The following TRIO variants were observed in gnomAD, a reference collection of about 807,000 sequenced individuals.
TRIO encodes the protein trio Rho guanine nucleotide exchange factor, also known as triple functional domain protein.
In TRIO, 58 loss-of-function variants were observed where a neutral mutation model predicts 351.9. That is an observed-to-expected ratio of 0.16 (90% confidence interval 0.13 to 0.21). TRIO has a LOEUF of 0.21. TRIO is among the 10% of genes least tolerant of loss of function. TRIO has a pLI of 1.00. For missense variants in TRIO, 3,201 were observed against 4,027.8 expected (o/e 0.79, Z 5.56); for synonymous variants, 1,758 against 1,595.7 (o/e 1.10, Z -2.42).
At position 14,403,919 on chromosome 5, in the gene TRIO, T is replaced by C. The variant is rs866696413; in HGVS notation, c.4717-1929T>C. On this transcript the variant is annotated intron_variant, in intron 31 of 56. Transcript: ENST00000344204. ...GGTGCAGGTGGTGGTGGTGAGGGTG[T>C]AGGTGGTGGTGGTGAGGGTGCAGGT... is the stretch of plus-strand genomic sequence containing the variant. Among the ~76,000 whole-genome samples the C allele has an allele frequency of 9.3e-3, 639 of 68,632 alleles. 30 individuals carry two copies. Among genetic ancestry groups the C allele is most frequent in the African/African-American group, 0.035 (588 of 16,862 alleles). 45.0% of individuals were successfully genotyped at this position (68,632 alleles called of 152,430 possible). A position where few individuals can be genotyped will look rare whatever the true frequency, so the allele number is the denominator to read the frequency against.
At chr5:14,413,364 C>T (rs767179943) in intron 33 of TRIO, among the ~76,000 whole-genome samples, 14 of 152,188 alleles carry the variant, frequency 9.2e-5, no homozygotes, top group East Asian at 1.9e-4. Context: ...TAGCTGCATG[C>T]GTATCCAGTG....
chr5:14,500,420 G>A (rs993416723), intron 53 of TRIO, among the ~76,000 whole-genome samples: 9 of 152,180 alleles, frequency 5.9e-5, no homozygotes, highest in African/African-American at 2.2e-4. Context: ...CTTATTCTCA[G>A]TCCAGCTCTG....
At chr5:14,265,134 G>A (rs1321543147) in intron 1 of TRIO, among the ~76,000 whole-genome samples, 6 of 135,706 alleles carry the variant, frequency 4.4e-5, no homozygotes, top group Non-Finnish European at 7.8e-5. Flanking sequence ...TTCCCATTTA[G>A]TAAACACTAA....
intron 13 of TRIO, among the ~76,000 whole-genome samples, chr5:14,363,372 C>G (rs534312233): frequency 1.3e-5 from 2 of 151,898 alleles, no homozygotes; most frequent in African/African-American, 2.4e-5. Flanking sequence ...GCTTCTCTTA[C>G]TATTTTTGAA....
intron 1 of TRIO, among the ~76,000 whole-genome samples, chr5:14,230,992 G>A (rs1243249025): frequency 1.3e-5 from 2 of 152,148 alleles, no homozygotes; most frequent in African/African-American, 2.4e-5. Flanking sequence ...GCAAGTTAGT[G>A]CCTGCTGATT....
At chr5:14,394,172 A>G (rs1305862871) in intron 28 of TRIO, 42 bp downstream of exon 28, 3 of 1,333,916 alleles carry the variant, frequency 2.2e-6, no homozygotes, top group South Asian at 2.7e-5. Context: ...TTTATGAATT[A>G]TGTATTATTT....
chr5:14,310,739 G>A (rs927266921), intron 8 of TRIO, among the ~76,000 whole-genome samples: 5 of 152,208 alleles, frequency 3.3e-5, no homozygotes, highest in Admixed American at 6.5e-5. Flanking sequence ...AGGCTGGAAT[G>A]CAGTGGTGCG....
chr5:14,487,989 C>T lies in TRIO; in HGVS notation c.7361C>T (p.Ala2454Val). The change falls in exon 48 of 57, where the codon GCT (alanine) becomes GTT (valine). Residue 2454 changes from alanine to valine, a missense_variant. Coordinates refer to ENST00000344204, the MANE Select transcript of TRIO (RefSeq NM_007118.4). ...LPLGKPRAGA[A>V]SPLNSPLSSA... is the part of the protein sequence containing the mutation. ...CTTGGGAAGCCCCGGGCCGGGGCCGCTTCGCCGCTGAACTCGCCGCTCTCC... is the reference window on the plus strand; with the variant it reads ...CTTGGGAAGCCCCGGGCCGGGGCCGTTTCGCCGCTGAACTCGCCGCTCTCC... The T allele has an allele frequency of 6.4e-7, 1 of 1,560,794 alleles. No individual in the cohort carries two copies. The highest frequency in any genetic ancestry group is 8.7e-7 in the Non-Finnish European group (1 of 1,153,712).
chr5:14,373,180 CAT>C (rs1458385121), intron 18 of TRIO, among the ~76,000 whole-genome samples: 5 of 152,196 alleles, frequency 3.3e-5, no homozygotes, highest in African/African-American at 4.8e-5. Context: ...CTACCGCTGA[CAT>C]GTGGAGATTA....
chr5:14,171,884 G>A (rs1008404080), intron 1 of TRIO, among the ~76,000 whole-genome samples: 5 of 152,296 alleles, frequency 3.3e-5, no homozygotes, highest in Admixed American at 1.3e-4. Flanking sequence ...GCCAAGTTCT[G>A]TAGTTATAGA....
At chr5:14,478,535 AT>A (rs371079894) in intron 41 of TRIO, among the ~76,000 whole-genome samples, 327 of 152,114 alleles carry the variant, frequency 2.1e-3, no homozygotes, top group African/African-American at 7.4e-3. Flanking sequence ...CATTGTCTAC[AT>A]TTTTTTTCTT....
rs754382377 is a variant in TRIO, at chr5:14,381,257, G to A, written c.3570+5G>A. Reference sequence around the variant, plus strand: ...GAGTTCCAGATAACTGCAAAGGTGGGTTCAGAGTGTACTTTGTATAGTGGC... The same window carrying A: ...GAGTTCCAGATAACTGCAAAGGTGGATTCAGAGTGTACTTTGTATAGTGGC... On this transcript the variant is annotated splice_donor_5th_base_variant and intron_variant, in intron 21 of 56. Transcript: ENST00000344204. 6.2e-7 allele frequency: 1 copy of A among 1,605,236 alleles called. No individual in the cohort carries two copies. The highest frequency in any genetic ancestry group is 1.3e-5 in the African/African-American group (1 of 74,430).
chr5:14,413,607 GT>G (rs1375754835), intron 33 of TRIO, among the ~76,000 whole-genome samples: 3 of 152,098 alleles, frequency 2.0e-5, no homozygotes, highest in Non-Finnish European at 2.9e-5. Context: ...TTTTAGATGA[GT>G]TTTTTAAGTT....
intron 54 of TRIO, 146 bp from the exon 55 acceptor site, chr5:14,504,247 A>G (rs1296246974): frequency 1.2e-6 from 1 of 839,274 alleles, no homozygotes; most frequent in Non-Finnish European, 1.8e-6. Flanking sequence ...CCATGGCACC[A>G]CAGCCCCTCC....
chr5:14,349,290 G>A (rs1054255202), intron 11 of TRIO, among the ~76,000 whole-genome samples: 15 of 145,440 alleles, frequency 1.0e-4, no homozygotes, highest in East Asian at 7.9e-4. Flanking sequence ...GTGTACGCAC[G>A]TGAGCATGTG....
chr5:14,174,096 T>TTG (rs1173705210), intron 1 of TRIO, among the ~76,000 whole-genome samples: 1 of 152,196 alleles, frequency 6.6e-6, no homozygotes. Flanking sequence ...AGAGATCCAC[T>TTG]TGATAGAGCT....
chr5:14,302,433 A>C (rs181092655), intron 7 of TRIO, among the ~76,000 whole-genome samples: 2 of 152,322 alleles, frequency 1.3e-5, no homozygotes, highest in Admixed American at 1.3e-4. Flanking sequence ...CAATAATTTA[A>C]TAATTGGTAT....
chr5:14,498,924 C>T, intron 53 of TRIO: 1 of 337,946 alleles, frequency 3.0e-6, no homozygotes, highest in Non-Finnish European at 5.5e-6. Context: ...GGCTGCCCAC[C>T]ATGGGGCACC....
chr5:14,190,462 G>T (rs1227365228), intron 1 of TRIO, among the ~76,000 whole-genome samples: 1 of 152,206 alleles, frequency 6.6e-6, no homozygotes, highest in Admixed American at 6.5e-5. Flanking sequence ...AAATATGTGT[G>T]TGCGAGATAA....
Sources: allele counts gnomAD v4.1 joint callset (sites outside exome capture counted in the v4.1 genomes callset), GRCh38; gene constraint gnomAD v4.1.1; transcripts MANE v1.5; gene names NCBI Gene and HGNC (gene_info 2026-07-23, HGNC 2026-07-21).